The following DGKB variants were observed in gnomAD, a reference collection of about 807,000 sequenced individuals.
DGKB encodes the protein diacylglycerol kinase beta.
Under a neutral mutation model 114.3 loss-of-function variants are expected in DGKB, and 67 were observed. That is an observed-to-expected ratio of 0.59 (90% CI 0.48 to 0.72). DGKB has a LOEUF of 0.72. DGKB is among the 30% of genes least tolerant of loss of function. The pLI, the probability that DGKB is intolerant of heterozygous loss-of-function variation, is 0.00. For synonymous variants in DGKB, 398 were observed against 323.1 expected, an observed-to-expected ratio of 1.23 and a Z score of -2.49; for missense variants, 907 against 975.2, an observed-to-expected ratio of 0.93 and a Z score of 0.93.
chr7:14,474,877 G>A (rs10267135), intron 21 of DGKB, among the ~76,000 whole-genome samples: 3,310 of 150,720 alleles, frequency 0.022, 133 homozygotes, highest in Admixed American at 0.092. Context: ...TTCAAATTCC[G>A]TTTGTTGGAA....
chr7:14,357,221 G>A (rs560891364), intron 21 of DGKB, among the ~76,000 whole-genome samples: 1 of 152,096 alleles, frequency 6.6e-6, no homozygotes, highest in African/African-American at 2.4e-5. Context: ...TTATTATTGT[G>A]TGGGAGTCTA....
chr7:14,330,767 T>A (rs1039824309), intron 23 of DGKB, among the ~76,000 whole-genome samples: 3 of 152,042 alleles, frequency 2.0e-5, no homozygotes, highest in African/African-American at 7.2e-5. Flanking sequence ...TAGTTTGTGC[T>A]TTTTAAATTT....
chr7:14,728,742 C>T (rs549214776), intron 5 of DGKB, among the ~76,000 whole-genome samples: 31 of 150,314 alleles, frequency 2.1e-4, no homozygotes, highest in African/African-American at 6.1e-4. Context: ...CTCGCTCTGT[C>T]GTGCAGGCTG....
At chr7:14,757,213 A>G (rs777870540) in intron 3 of DGKB, among the ~76,000 whole-genome samples, 1 of 152,064 alleles carries the variant, frequency 6.6e-6, no homozygotes, top group Non-Finnish European at 1.5e-5. Flanking sequence ...CCCCTACACC[A>G]ATATCCATTT....
chr7:14,374,911 G>C (rs1818248680), intron 21 of DGKB, among the ~76,000 whole-genome samples: 1 of 152,154 alleles, frequency 6.6e-6, no homozygotes, highest in Non-Finnish European at 1.5e-5. Context: ...GGCACAGATT[G>C]TCCGTCTGTT....
Position 14,488,842 on chromosome 7 carries a change from C to CA in DGKB, c.1771-10618dup, listed in dbSNP as rs779997674. Reference sequence around the variant, plus strand: ...GCAAGACTCCGTCTCCAAAAAAAAACAAAAAAAAACAAAAAAAACCCAACA... The same window carrying CA: ...GCAAGACTCCGTCTCCAAAAAAAAACAAAAAAAAAACAAAAAAAACCCAACA... On this transcript the variant is annotated intron_variant, in intron 20 of 25. Coordinates refer to ENST00000402815, the MANE Select transcript of DGKB (RefSeq NM_001350709.2). Among the ~76,000 whole-genome samples, 592 of 85,750 alleles carry CA rather than the reference C, an allele frequency of 6.9e-3. 3 individuals are homozygous for CA. The highest frequency in any genetic ancestry group is 0.022 in the African/African-American group (429 of 19,160). The allele number at this position is 85,750 out of a possible 152,430, so 56.3% of individuals were successfully genotyped here. A position where few individuals can be genotyped will look rare whatever the true frequency, so the allele number is the denominator to read the frequency against.
At chr7:14,820,000 T>C (rs900769375) in intron 2 of DGKB, among the ~76,000 whole-genome samples, 8 of 152,140 alleles carry the variant, frequency 5.3e-5, no homozygotes, top group Non-Finnish European at 8.8e-5. Context: ...GTGTTTTGGG[T>C]TCTTTTAGGG....
intron 23 of DGKB, among the ~76,000 whole-genome samples, chr7:14,325,182 A>C (rs1808502190): frequency 6.6e-6 from 1 of 152,142 alleles, no homozygotes; most frequent in Non-Finnish European, 1.5e-5. Flanking sequence ...GCATCACCAG[A>C]AATGCATTGC....
At chr7:14,594,063 C>T (rs990682717) in intron 17 of DGKB, among the ~76,000 whole-genome samples, 4 of 151,992 alleles carry the variant, frequency 2.6e-5, no homozygotes, top group African/African-American at 9.7e-5. Flanking sequence ...TTAGGTGTTA[C>T]CCAATTCTAG....
chr7:14,632,566 T>C (rs1809934309), intron 13 of DGKB, among the ~76,000 whole-genome samples: 1 of 151,958 alleles, frequency 6.6e-6, no homozygotes, highest in South Asian at 2.1e-4. Context: ...CTCTTCATTA[T>C]ATCCTTTAAC....
intron 20 of DGKB, among the ~76,000 whole-genome samples, chr7:14,535,905 A>G (rs1188706931): frequency 6.6e-6 from 1 of 152,088 alleles, no homozygotes; most frequent in Non-Finnish European, 1.5e-5. Context: ...AAGATAAACA[A>G]AATTGATGAA....
At position 14,459,331 on chromosome 7, in the gene DGKB, A is replaced by G. The variant is rs894868378; in HGVS notation, c.1835+18830T>C. On this transcript the variant is annotated intron_variant, in intron 21 of 25. Transcript: ENST00000402815. Reference sequence around the variant, plus strand: ...GCTCTGAAGAGCATGTTCTAACCCAATGCAAGGAAGCAAAGAACCTTGAAA... The same window carrying G: ...GCTCTGAAGAGCATGTTCTAACCCAGTGCAAGGAAGCAAAGAACCTTGAAA... Among the ~76,000 whole-genome samples the G allele has an allele frequency of 1.7e-4, 26 of 152,154 alleles. 1 individual carries two copies. Among genetic ancestry groups the G allele is most frequent in the African/African-American group, 5.5e-4 (23 of 41,450 alleles).
At chr7:14,604,625 G>A (rs1454730957) in intron 17 of DGKB, among the ~76,000 whole-genome samples, 2 of 152,120 alleles carry the variant, frequency 1.3e-5, no homozygotes, top group Non-Finnish European at 2.9e-5. Context: ...AAGGGTATCA[G>A]AGTAATAGGG....
chr7:14,581,072 A>G (rs893103555), intron 18 of DGKB, 121 bp from the exon 19 acceptor site: 2 of 541,684 alleles, frequency 3.7e-6, no homozygotes, highest in African/African-American at 3.8e-5. Flanking sequence ...TAAACAAAAC[A>G]TAATTGTAGT....
At chr7:14,640,708 G>A (rs1283419726) in intron 13 of DGKB, among the ~76,000 whole-genome samples, 1 of 152,152 alleles carries the variant, frequency 6.6e-6, no homozygotes, top group Non-Finnish European at 1.5e-5. Context: ...AAAGTTATAT[G>A]TGACTTAATT....
chr7:14,806,697 T>C (rs940311189), intron 2 of DGKB, among the ~76,000 whole-genome samples: 8 of 152,092 alleles, frequency 5.3e-5, no homozygotes, highest in African/African-American at 1.7e-4. Context: ...TTCTAGACAA[T>C]GAATATCTGT....
chr7:14,769,280 A>AAGAAAGAAAGAAAGAAAG, intron 2 of DGKB, among the ~76,000 whole-genome samples: 1 of 147,392 alleles, frequency 6.8e-6, no homozygotes, highest in East Asian at 2.0e-4. Flanking sequence ...GAAAGAAAGA[A>AAGAAAGAAAGAAAGAAAG]AGATTTTGTA....
At chr7:14,376,627 C>T (rs1014180997) in intron 21 of DGKB, among the ~76,000 whole-genome samples, 1 of 152,102 alleles carries the variant, frequency 6.6e-6, no homozygotes, top group Non-Finnish European at 1.5e-5. Context: ...ACCATTGTTA[C>T]AGTGCTTTAA....
intron 1 of DGKB, among the ~76,000 whole-genome samples, chr7:14,893,616 C>T (rs1365015753): frequency 6.6e-6 from 1 of 151,276 alleles, no homozygotes; most frequent in East Asian, 1.9e-4. Flanking sequence ...TCTCTTTAAT[C>T]ATATAGCCAA....
Sources: gnomAD v4.1 joint callset for allele counts (sites outside exome capture counted in the v4.1 genomes callset) on GRCh38, gnomAD v4.1.1 for gene constraint, MANE v1.5 for transcripts, NCBI Gene and HGNC (gene_info 2026-07-23, HGNC 2026-07-21) for gene names.